Variants in FAAH2 observed in about 807,000 individuals in gnomAD.
FAAH2 encodes fatty-acid amide hydrolase 2.
Under a neutral mutation model 36.9 loss-of-function variants are expected in FAAH2, and 60 were observed. The observed-to-expected ratio is 1.63, with a 90% CI of 1.32 to 2.02. The LOEUF (loss-of-function observed/expected upper bound fraction) is 2.02, where lower values mean the gene tolerates loss of function less well. Among genes scored for constraint, FAAH2 ranks in the 30% most tolerant of loss-of-function variants. The pLI is 0.00. For missense variants in FAAH2, 689 were observed against 397.5 expected (o/e 1.73, Z -6.23); for synonymous variants, 214 against 143.8 (o/e 1.49, Z -3.49).
At chrX:57,450,038 A>C (rs1273346955) in intron 10 of FAAH2, among the ~76,000 whole-genome samples, 1 of 111,550 alleles carries the variant, frequency 9.0e-6, no homozygotes, top group African/African-American at 3.3e-5. Context: ...CTAGTTACTC[A>C]GTTTCTGAAG....
intron 8 of FAAH2, among the ~76,000 whole-genome samples, chrX:57,436,367 A>G (rs941640134): frequency 9.0e-6 from 1 of 110,529 alleles, no homozygotes; most frequent in African/African-American, 3.3e-5. Flanking sequence ...TAAAAAAAAA[A>G]ATTCTAGTAG....
chrX:57,203,152 A>G, the FAAH2 span, among the ~76,000 whole-genome samples: 7 of 111,858 alleles, frequency 6.3e-5, no homozygotes, highest in Non-Finnish European at 1.3e-4. Flanking sequence ...CCCTGAACAG[A>G]GATTTACCCA....
the FAAH2 span, among the ~76,000 whole-genome samples, chrX:57,193,694 C>G: frequency 9.0e-6 from 1 of 111,598 alleles, no homozygotes; most frequent in East Asian, 2.8e-4. Flanking sequence ...AGAAAAGAAC[C>G]TATGTGACTA....
At chrX:57,455,214 C>G (rs1192133951) in intron 10 of FAAH2, among the ~76,000 whole-genome samples, 1 of 111,285 alleles carries the variant, frequency 9.0e-6, no homozygotes, top group Non-Finnish European at 1.9e-5. Context: ...ACTTCATAAG[C>G]AAACGAGAAA....
At chrX:57,234,191 C>G in the FAAH2 span, among the ~76,000 whole-genome samples, 1 of 111,478 alleles carries the variant, frequency 9.0e-6, no homozygotes, top group Non-Finnish European at 1.9e-5. Context: ...GGCAACACAC[C>G]TCCAGAGTTT....
chrX:57,406,457 C>A (rs764137830), intron 7 of FAAH2, among the ~76,000 whole-genome samples: 46 of 111,807 alleles, frequency 4.1e-4, no homozygotes, highest in African/African-American at 1.4e-3. Flanking sequence ...TGGAAACACC[C>A]ACCCTGATGG....
intron 7 of FAAH2, among the ~76,000 whole-genome samples, chrX:57,399,937 C>T (rs887769890): frequency 8.9e-6 from 1 of 112,045 alleles, no homozygotes; most frequent in Admixed American, 9.4e-5. Flanking sequence ...CTGCATAATA[C>T]GCTTTTTAAA....
At chrX:57,174,532 A>G in the FAAH2 span, among the ~76,000 whole-genome samples, 1 of 111,665 alleles carries the variant, frequency 9.0e-6, no homozygotes. Context: ...TATCTTTTCA[A>G]AGAACAATCT....
chrX:57,364,180 T>A (rs1053362686), intron 5 of FAAH2, among the ~76,000 whole-genome samples: 2 of 109,220 alleles, frequency 1.8e-5, no homozygotes, highest in Non-Finnish European at 3.8e-5. Flanking sequence ...TGAATCCGTT[T>A]GGTGCAGGGC....
rs183485868 is a variant in FAAH2, at chrX:57,314,263, A to G, written c.412+3534A>G. 4.2e-3 allele frequency among the ~76,000 whole-genome samples: 467 copies of G among 111,724 alleles called. 3 individuals are homozygous for G. The highest frequency in any genetic ancestry group is 0.015 in the African/African-American group (448 of 30,850). Reference sequence around the variant, plus strand: ...AAAAAATCTTCATGACCTGAGAAAAATCTTAGACAGCCACACAATAATAGT... The same window carrying G: ...AAAAAATCTTCATGACCTGAGAAAAGTCTTAGACAGCCACACAATAATAGT... On this transcript the variant is annotated intron_variant, in intron 3 of 10. Coordinates refer to ENST00000374900, the MANE Select transcript of FAAH2 (RefSeq NM_174912.4).
At chrX:57,211,056 T>C in the FAAH2 span, among the ~76,000 whole-genome samples, 3 of 112,348 alleles carry the variant, frequency 2.7e-5, no homozygotes, top group Non-Finnish European at 5.6e-5. Flanking sequence ...ATTGGAAGTC[T>C]ATGCTGATTG....
chrX:57,237,316 A>C, the FAAH2 span, among the ~76,000 whole-genome samples: 1 of 110,826 alleles, frequency 9.0e-6, no homozygotes, highest in East Asian at 2.8e-4. Flanking sequence ...CTCCTTTTTT[A>C]TTTGTTTTAT....
At chrX:57,299,620 A>G (rs988065904) in intron 2 of FAAH2, among the ~76,000 whole-genome samples, 6 of 112,114 alleles carry the variant, frequency 5.4e-5, no homozygotes, top group Non-Finnish European at 9.4e-5. Flanking sequence ...ATCAGACAAG[A>G]GAAGGAAATA....
chrX:57,216,484 TTATATATATACGTATATGTA>T, the FAAH2 span, among the ~76,000 whole-genome samples: 110 of 61,774 alleles, frequency 1.8e-3, 1 homozygote, highest in African/African-American at 6.5e-3. Context: ...TAGTATTCTA[TTATATATATACGTATATGTA>T]TATATATATA....
At chrX:57,256,756 G>T in the FAAH2 span, among the ~76,000 whole-genome samples, 27 of 111,954 alleles carry the variant, frequency 2.4e-4, no homozygotes, top group Non-Finnish European at 3.9e-4. Context: ...GAGTGAACAG[G>T]CAACCTACAG....
intron 4 of FAAH2, among the ~76,000 whole-genome samples, chrX:57,334,242 C>A (rs752982220): frequency 3.6e-4 from 26 of 71,364 alleles, no homozygotes; most frequent in African/African-American, 1.1e-3. Flanking sequence ...TGCACTCCAG[C>A]CTAGGTGACA....
intron 7 of FAAH2, among the ~76,000 whole-genome samples, chrX:57,425,609 C>T (rs1367337693): frequency 9.0e-6 from 1 of 111,208 alleles, no homozygotes; most frequent in African/African-American, 3.3e-5. Context: ...ATTTTGAATC[C>T]TGCTCTAATG....
At chrX:57,158,144 C>T in the FAAH2 span, among the ~76,000 whole-genome samples, 1 of 111,533 alleles carries the variant, frequency 9.0e-6, no homozygotes, top group African/African-American at 3.3e-5. Context: ...TGATGGTTTC[C>T]AGCTTCATCC....
At chrX:57,333,027 C>G (rs894186758) in intron 4 of FAAH2, among the ~76,000 whole-genome samples, 12 of 111,697 alleles carry the variant, frequency 1.1e-4, no homozygotes, top group Non-Finnish European at 2.1e-4. Flanking sequence ...CACATGCTAA[C>G]TAAATGACTG....
Sources: allele counts gnomAD v4.1 joint callset (sites outside exome capture counted in the v4.1 genomes callset), GRCh38; gene constraint gnomAD v4.1.1; transcripts MANE v1.5; gene names NCBI Gene and HGNC (gene_info 2026-07-23, HGNC 2026-07-21).